JAK2: variants seen among roughly 807,000 people sequenced by gnomAD.
JAK2 encodes the protein Janus kinase 2, also known as tyrosine-protein kinase JAK2.
In JAK2, 86 loss-of-function variants were observed where a neutral mutation model predicts 139.3. That is an observed-to-expected ratio of 0.62 (90% CI 0.52 to 0.74). JAK2 has a LOEUF of 0.74. Among genes scored for constraint, JAK2 ranks in the 30% least tolerant of loss-of-function variants. The pLI is 0.00. For missense variants in JAK2, 1,421 were observed against 1,360.3 expected, an observed-to-expected ratio of 1.04 and a Z score of -0.70; for synonymous variants, 490 against 437.7, an observed-to-expected ratio of 1.12 and a Z score of -1.49.
Position 5,080,620 on chromosome 9 carries a change from G to T in JAK2, c.2371G>T (p.Glu791Ter). 1 of 1,608,136 alleles carries T rather than the reference G, an allele frequency of 6.2e-7. No individual in the cohort carries two copies. Among genetic ancestry groups the T allele is most frequent in the Non-Finnish European group, 8.5e-7 (1 of 1,178,424 alleles). The change falls in exon 18 of 25, where the codon GAA (glutamate) becomes TAA (stop). Residue 791 changes from glutamate to a stop codon, truncating the protein, a stop_gained. Coordinates refer to ENST00000381652, the MANE Select transcript of JAK2 (RefSeq NM_004972.4). LOFTEE classifies it high-confidence loss of function. ...CCTTATAAATAATTGTATGGATTAT[G>T]AACCAGATTTCAGGCCTTCTTTCAG... ...ANLINNCMDY[E>*]PDFRPSFRAI...
chr9:5,007,992 G>T (rs1450152432), intron 2 of JAK2, among the ~76,000 whole-genome samples: 1 of 151,978 alleles, frequency 6.6e-6, no homozygotes, highest in East Asian at 1.9e-4. Flanking sequence ...GCCTCCCAAA[G>T]TGCTGGGATT....
intron 22 of JAK2, chr9:5,110,571 TCTTCC>T (rs1173737039): frequency 5.8e-6 from 1 of 172,710 alleles, no homozygotes; most frequent in Non-Finnish European, 1.2e-5. Flanking sequence ...CTTCACTTCC[TCTTCC>T]CTTATTATTG....
chr9:5,029,609 G>T (rs1416708465), intron 3 of JAK2, among the ~76,000 whole-genome samples, 174 bp from the exon 4 acceptor site: 2 of 152,216 alleles, frequency 1.3e-5, no homozygotes, highest in African/African-American at 2.4e-5. Flanking sequence ...TATAAAAAAA[G>T]ATTGTGATTA....
At chr9:5,049,170 C>A (rs1002483808) in intron 5 of JAK2, among the ~76,000 whole-genome samples, 1 of 152,148 alleles carries the variant, frequency 6.6e-6, no homozygotes, top group Non-Finnish European at 1.5e-5. Flanking sequence ...CATACACCAG[C>A]CTCTTAAAGA....
chr9:5,107,383 A>T (rs997523281), intron 22 of JAK2, among the ~76,000 whole-genome samples: 2 of 152,094 alleles, frequency 1.3e-5, no homozygotes, highest in African/African-American at 4.8e-5. Flanking sequence ...CTTTTCCATA[A>T]AATTCTTCCT....
In JAK2 at chr9:5,128,320, T is replaced by C. The variant is rs1199201983; in HGVS notation, c.*1529T>C. 1.3e-5 allele frequency: 3 copies of C among 222,618 alleles called. No individual in the cohort carries two copies. The highest frequency in any genetic ancestry group is 2.7e-5 in the Non-Finnish European group (3 of 111,170). 13.8% of individuals were successfully genotyped at this position (222,618 alleles called of 1,614,324 possible). On this transcript the variant is annotated 3_prime_UTR_variant, in exon 25 of 25. Transcript: ENST00000381652. ...CATTTTTAAAGCATTTTAATAGTTC[T>C]GGATGCAGAAATCATCTAAAATGAC...
chr9:5,023,981 G>T (rs188620230), intron 3 of JAK2, among the ~76,000 whole-genome samples: 5 of 152,190 alleles, frequency 3.3e-5, no homozygotes, highest in Admixed American at 2.6e-4. Context: ...CTTGGGCCGG[G>T]CACGGTGGCT....
At chr9:5,069,330 A>G (rs1818788499) in intron 11 of JAK2, 122 bp downstream of exon 11, 1 of 634,658 alleles carries the variant, frequency 1.6e-6, no homozygotes, top group African/African-American at 1.9e-5. Context: ...AGTTAATTTT[A>G]TCTTATTCTA....
intron 8 of JAK2, among the ~76,000 whole-genome samples, chr9:5,061,994 G>A (rs1403647887): frequency 1.3e-5 from 2 of 152,146 alleles, no homozygotes; most frequent in East Asian, 1.9e-4. Context: ...TAGCTATTCG[G>A]TGGAGCAGTC....
chr9:5,079,898 G>A (rs1301725780), intron 16 of JAK2, among the ~76,000 whole-genome samples: 1 of 152,132 alleles, frequency 6.6e-6, no homozygotes, highest in South Asian at 2.1e-4. Context: ...AGACACTATG[G>A]TTTAATGGAA....
At position 5,052,359 on chromosome 9, in the gene JAK2, C is replaced by T. The variant is rs117888638; in HGVS notation, c.614+1528C>T. ...GTAACTATTTATCTGATTCTTTTAA[C>T]TCATGCTCTTAGCCAGGATATAAAC... On this transcript the variant is annotated intron_variant, in intron 6 of 24. Transcript: ENST00000381652. 2.0e-4 allele frequency among the ~76,000 whole-genome samples: 30 copies of T among 152,174 alleles called. No individual in the cohort carries two copies. In the East Asian group the frequency reaches 5.8e-3, roughly 29 times the overall value.
chr9:5,087,325 G>A (rs929461248), intron 19 of JAK2, among the ~76,000 whole-genome samples: 1 of 152,172 alleles, frequency 6.6e-6, no homozygotes, highest in Non-Finnish European at 1.5e-5. Context: ...AAAACCATCA[G>A]ATCTCATGAG....
chr9:5,013,154 T>G (rs777906676), intron 2 of JAK2, among the ~76,000 whole-genome samples: 25 of 152,230 alleles, frequency 1.6e-4, no homozygotes, highest in Non-Finnish European at 3.2e-4. Context: ...GTATTTTCTT[T>G]CTTGCTCAAT....
In JAK2 at chr9:5,062,500, T is replaced by TAAAAAAAA. The variant is rs58424625; in HGVS notation, c.1057-2359_1057-2352dup. On this transcript the variant is annotated intron_variant, in intron 8 of 24. Transcript: ENST00000381652. ...AAGTTTGTCAGAAACCTTCCATTTG[T>TAAAAAAAA]AAAAAAAAAAAAAAAAAAAAAAAAA... 3.6e-4 allele frequency among the ~76,000 whole-genome samples: 21 copies of TAAAAAAAA among 58,248 alleles called. 4 individuals carry two copies. The highest frequency in any genetic ancestry group is 2.2e-3 in the African/African-American group (21 of 9,598). 38.2% of individuals were successfully genotyped at this position (58,248 alleles called of 152,430 possible). A position where few individuals can be genotyped will look rare whatever the true frequency, so the allele number is the denominator to read the frequency against.
intron 2 of JAK2, among the ~76,000 whole-genome samples, chr9:4,994,685 T>A (rs1820460695): frequency 6.6e-6 from 1 of 152,184 alleles, no homozygotes; most frequent in Non-Finnish European, 1.5e-5. Flanking sequence ...TCATAAAGCT[T>A]TATTTACATA....
At chr9:5,075,374 G>A (rs1405534107) in intron 14 of JAK2, among the ~76,000 whole-genome samples, 1 of 152,202 alleles carries the variant, frequency 6.6e-6, no homozygotes, top group Non-Finnish European at 1.5e-5. Flanking sequence ...AGAAGTCAGT[G>A]CTTGCCTTCA....
chr9:5,043,454 G>A (rs1237542960), intron 4 of JAK2, among the ~76,000 whole-genome samples: 1 of 152,196 alleles, frequency 6.6e-6, no homozygotes, highest in Non-Finnish European at 1.5e-5. Context: ...ACAATAACAA[G>A]TGTTAGAGAA....
chr9:5,045,252 A>T (rs933654670), intron 5 of JAK2, among the ~76,000 whole-genome samples: 2 of 152,178 alleles, frequency 1.3e-5, no homozygotes, highest in Non-Finnish European at 1.5e-5. Flanking sequence ...GGAGTTCTAA[A>T]TCAGATTTGC....
At chr9:5,101,133 G>T (rs1454382258) in intron 22 of JAK2, 1 of 152,260 alleles carries the variant, frequency 6.6e-6, no homozygotes, top group Non-Finnish European at 1.5e-5. Flanking sequence ...CCAGCCAAGG[G>T]AAGCCATGAC....
Sources: allele counts gnomAD v4.1 joint callset (sites outside exome capture counted in the v4.1 genomes callset), GRCh38; gene constraint gnomAD v4.1.1; transcripts MANE v1.5; gene names NCBI Gene and HGNC (gene_info 2026-07-23, HGNC 2026-07-21).